PRKCG: variants seen among roughly 807,000 people sequenced by gnomAD.
PRKCG encodes the protein protein kinase C gamma type.
PRKCG carries 28 observed loss-of-function variants against 82.0 expected under a neutral mutation model. The ratio of observed to expected loss-of-function variants is 0.34; its 90% CI spans 0.25 to 0.47. The LOEUF (loss-of-function observed/expected upper bound fraction) is 0.47, where lower values mean the gene tolerates loss of function less well. Ranked by LOEUF, PRKCG falls within the 20% of genes least tolerant of loss-of-function variation. PRKCG has a pLI of 1.00. For synonymous variants in PRKCG, 383 were observed against 376.6 expected (o/e 1.02, Z -0.20); for missense variants, 640 against 952.7 (o/e 0.67, Z 4.32).
rs1568759053 is a variant in PRKCG at position 53,898,781 on chromosome 19, C to CGGG, written c.1281+153_1281+154insGGG. 2.8e-3 allele frequency among the ~76,000 whole-genome samples: 18 copies of CGGG among 6,542 alleles called. 1 individual carries two copies. The highest frequency in any genetic ancestry group is 0.011 in the African/African-American group (18 of 1,610). 4.3% of individuals were successfully genotyped at this position (6,542 alleles called of 152,430 possible). Reference sequence around the variant, plus strand: ...CGGATTGTCTCCTCAGGGGGCGTGGCCGGGGGGGGGTCCTTGGGGGGCGTG... The same window carrying CGGG: ...CGGATTGTCTCCTCAGGGGGCGTGGCGGGCGGGGGGGGGTCCTTGGGGGGCGTG... On this transcript the variant is annotated intron_variant, in intron 11 of 17. Transcript: ENST00000263431.
intron 9 of PRKCG, among the ~76,000 whole-genome samples, chr19:53,896,171 C>T (rs944608418): frequency 5.9e-5 from 9 of 151,838 alleles, no homozygotes; most frequent in Admixed American, 2.0e-4. Flanking sequence ...ATGATCCTCC[C>T]GTACAAACCC....
chr19:53,896,942 A>G (rs1243812777), intron 9 of PRKCG, among the ~76,000 whole-genome samples: 1 of 152,198 alleles, frequency 6.6e-6, no homozygotes, highest in African/African-American at 2.4e-5. Flanking sequence ...CGAGGCCTCT[A>G]TGAAGTGATG....
upstream of PRKCG, among the ~76,000 whole-genome samples, chr19:53,881,152 A>G (rs888001283): frequency 6.8e-6 from 1 of 147,616 alleles, no homozygotes; most frequent in Non-Finnish European, 1.5e-5. Context: ...AGAGAGATCA[A>G]CAGAGCCAGA....
Position 53,882,470 on chromosome 19 carries a change from T to C in PRKCG, c.-25T>C. 6.2e-7 allele frequency: 1 copy of C among 1,609,226 alleles called. No homozygotes were observed. Among genetic ancestry groups the C allele is most frequent in the Middle Eastern group, 1.7e-4 (1 of 6,032 alleles). ...GTTTCCCCCAAGAAAGGCAGGATCCTGGTCCCTGCTACGTTTCTGGGGCCA... is the reference window on the plus strand; with the variant it reads ...GTTTCCCCCAAGAAAGGCAGGATCCCGGTCCCTGCTACGTTTCTGGGGCCA... On this transcript the variant is annotated 5_prime_UTR_variant, in exon 1 of 18. Transcript: ENST00000263431. The surrounding 1 kb of genome is among the most constrained non-coding windows in gnomAD (Gnocchi z 6.1).
intron 17 of PRKCG, 81 bp downstream of exon 17, chr19:53,906,538 G>T (rs533805899): frequency 1.9e-6 from 3 of 1,574,530 alleles, no homozygotes; most frequent in Non-Finnish European, 2.6e-6. Flanking sequence ...TGTATGTGGG[G>T]GTGGGGTTCC....
Position 53,886,230 on chromosome 19 carries a change from G to T in PRKCG, c.285+1987G>T, listed in dbSNP as rs2068630489. ...AGCGATTCTCATGCCTCAGCCTCCC[G>T]AGTAGCTGGGACTAGAACAGGCATG... On this transcript the variant is annotated intron_variant, in intron 3 of 17. Coordinates refer to ENST00000263431, the MANE Select transcript of PRKCG (RefSeq NM_002739.5). Among the ~76,000 whole-genome samples, 4 of 150,090 alleles carry T rather than the reference G, an allele frequency of 2.7e-5. No homozygotes were observed. In the South Asian group the frequency reaches 6.4e-4, roughly 24 times the overall value.
rs1033515417 is a variant in PRKCG at position 53,889,947 on chromosome 19, C to T, written c.459C>T (p.Asp153=). 1 of 1,578,764 alleles carries T rather than the reference C, an allele frequency of 6.3e-7. No individual in the cohort carries two copies. The highest frequency in any genetic ancestry group is 8.6e-7 in the Non-Finnish European group (1 of 1,163,604). Residue 153 remains aspartate, a synonymous_variant, in exon 5 of 18, where the codon GAC becomes GAT. Coordinates refer to ENST00000263431, the MANE Select transcript of PRKCG (RefSeq NM_002739.5). This position sits in a 1 kb window ranked among gnomAD's most constrained non-coding sequence, Gnocchi z 4.4. ...VRSVPSLCGV[D]HTERRGRLQL... ...GCGTGCCCTCCCTGTGCGGTGTGGA[C>T]CACACCGAGCGCCGCGGGCGCCTGC...
In PRKCG at chr19:53,884,517, G is replaced by T. The variant is rs112596238; in HGVS notation, c.285+274G>T. Among the ~76,000 whole-genome samples, 16 of 152,230 alleles carry T rather than the reference G, an allele frequency of 1.1e-4. No individual in the cohort carries two copies. The highest frequency in any genetic ancestry group is 3.6e-4 in the African/African-American group (15 of 41,538). On this transcript the variant is annotated intron_variant, in intron 3 of 17. Transcript: ENST00000263431. This position sits in a 1 kb window ranked among gnomAD's most constrained non-coding sequence, Gnocchi z 4.6. ...CTGCCGGGGGTGGGCTGTGATCCAG[G>T]GGTGAAGGGATTTAAAAATTGAGAG...
At chr19:53,904,062 A>T (rs73603630) in intron 15 of PRKCG, among the ~76,000 whole-genome samples, 3,608 of 152,194 alleles carry the variant, frequency 0.024, 144 homozygotes, top group African/African-American at 0.08. Flanking sequence ...TGCTGCCTGC[A>T]TTCATAACTG....
intron 3 of PRKCG, among the ~76,000 whole-genome samples, chr19:53,886,355 C>T (rs562312358): frequency 3.9e-5 from 6 of 152,188 alleles, no homozygotes; most frequent in Middle Eastern, 3.4e-3. Context: ...CCACCCACCT[C>T]GGCCTCCCAA....
Position 53,883,170 on chromosome 19 carries a change from G to A in PRKCG, c.178G>A (p.Gly60Arg). 1.2e-6 allele frequency: 2 copies of A among 1,613,982 alleles called. No individual in the cohort carries two copies. Among genetic ancestry groups the A allele is most frequent in the Non-Finnish European group, 1.7e-6 (2 of 1,179,962 alleles). Residue 60 changes from glycine (G) to arginine (R), a missense_variant, in exon 2 of 18, where the codon GGA (glycine) becomes AGA (arginine). By Grantham distance (125) the Gly-to-Arg change is moderately radical (BLOSUM62 -2). This residue lies in a region of PRKCG where 50 missense variants were observed against 146.5 expected (regional missense o/e 0.34). Transcript: ENST00000263431. This position sits in a 1 kb window ranked among gnomAD's most constrained non-coding sequence, Gnocchi z 5.4. ...SHCTDFIWGI[G>R]KQGLQCQVCS... ...GATCCCTGACTCTTCCAGGGGTATCGGAAAGCAGGGCCTGCAATGTCAAGG... is the reference window on the plus strand; with the variant it reads ...GATCCCTGACTCTTCCAGGGGTATCAGAAAGCAGGGCCTGCAATGTCAAGG...
chr19:53,901,090 C>G (rs80305591), intron 14 of PRKCG, among the ~76,000 whole-genome samples: 7,438 of 152,266 alleles, frequency 0.049, 578 homozygotes, highest in African/African-American at 0.16. Flanking sequence ...GTGGGTGTGG[C>G]CTGTCCCCTG....
chr19:53,889,970 T>G lies in PRKCG; in HGVS notation c.482T>G (p.Leu161Arg). 1 of 1,574,768 alleles carries G rather than the reference T, an allele frequency of 6.4e-7. No homozygotes were observed. The highest frequency in any genetic ancestry group is 8.6e-7 in the Non-Finnish European group (1 of 1,161,882). Residue 161 changes from leucine (L) to arginine (R), a missense_variant, in exon 5 of 18, where the codon CTG becomes CGG. Around this residue, in one of 7 missense-constraint regions of PRKCG, gnomAD observed 261 missense variants for 312.1 expected, o/e 0.84. Transcript: ENST00000263431. The surrounding 1 kb of genome is among the most constrained non-coding windows in gnomAD (Gnocchi z 4.4). ...GACCACACCGAGCGCCGCGGGCGCC[T>G]GCAGCTGGAGATCCGGGCTCCCACA... ...GVDHTERRGR[L>R]QLEIRAPTAD...
At chr19:53,898,192 G>T in intron 10 of PRKCG, 81 bp downstream of exon 10, 3 of 1,557,668 alleles carry the variant, frequency 1.9e-6, no homozygotes, top group Middle Eastern at 1.7e-4. Context: ...GGAAGTGGGG[G>T]TGGGAAGAGA....
intron 6 of PRKCG, 118 bp downstream of exon 6, chr19:53,891,948 C>A: frequency 3.0e-6 from 4 of 1,318,264 alleles, no homozygotes; most frequent in South Asian, 1.2e-5. Context: ...CAGAAAAGGG[C>A]AGAAGAAGAT....
chr19:53,897,383 C>A (rs2068725501), intron 9 of PRKCG, among the ~76,000 whole-genome samples: 1 of 152,134 alleles, frequency 6.6e-6, no homozygotes, highest in Non-Finnish European at 1.5e-5. Context: ...AGAGAAGGGA[C>A]CCTAGCTGAA....
rs1555808689 is a variant in PRKCG at position 53,906,084 on chromosome 19, C to CTTCTTCTTCCTCTTCTTCTTCTTCTTCTT, written c.1765-233_1765-232insTTCTTCTTCCTCTTCTTCTTCTTCTTCTT. 1.1e-4 allele frequency among the ~76,000 whole-genome samples: 3 copies of CTTCTTCTTCCTCTTCTTCTTCTTCTTCTT among 27,990 alleles called. No homozygotes were observed. In the African/African-American group the frequency reaches 1.1e-3, roughly 10 times the overall value. The allele number at this position is 27,990 out of a possible 152,430, so 18.4% of individuals were successfully genotyped here. A position where few individuals can be genotyped will look rare whatever the true frequency, so the allele number is the denominator to read the frequency against. Reference sequence around the variant, plus strand: ...TCCTCCTCCTCCTCCTCCTCCTCCTCCTTCTTCTTCTTCTTCTTCTTCTTC... The same window carrying CTTCTTCTTCCTCTTCTTCTTCTTCTTCTT: ...TCCTCCTCCTCCTCCTCCTCCTCCTCTTCTTCTTCCTCTTCTTCTTCTTCTTCTTCTTCTTCTTCTTCTTCTTCTTCTTC... On this transcript the variant is annotated intron_variant, in intron 16 of 17. Transcript: ENST00000263431.
In PRKCG at chr19:53,885,639, G is replaced by A. The variant is rs947218890; in HGVS notation, c.285+1396G>A. On this transcript the variant is annotated intron_variant, in intron 3 of 17. Transcript: ENST00000263431. ...TGAAGTCAGGTGGGTTCAGAGTTTC[G>A]CCCAGGGTTTGACACAAGATCGGAG... Among the ~76,000 whole-genome samples, 4 of 152,214 alleles carry A rather than the reference G, an allele frequency of 2.6e-5. No homozygotes were observed. In the East Asian group the frequency reaches 5.8e-4, roughly 22 times the overall value.
At chr19:53,891,610 A>T in intron 5 of PRKCG, 64 bp from the exon 6 acceptor site, 1 of 1,587,602 alleles carries the variant, frequency 6.3e-7, no homozygotes, top group South Asian at 1.1e-5. Context: ...TGCTGACTGG[A>T]GGAGGGCTGG....
Sources: gnomAD v4.1 joint callset for allele counts (sites outside exome capture counted in the v4.1 genomes callset) on GRCh38, gnomAD v4.1.1 for gene constraint, gnomAD v4.1.1 regional missense constraint, Gnocchi (gnomAD v3.1) non-coding constraint, MANE v1.5 for transcripts, NCBI Gene and HGNC (gene_info 2026-07-23, HGNC 2026-07-21) for gene names.